Variants in UBE3A observed in about 807,000 individuals in gnomAD.
UBE3A encodes the protein ubiquitin protein ligase E3A.
Under a neutral mutation model 83.4 loss-of-function variants are expected in UBE3A, and 6 were observed. The ratio of observed to expected loss-of-function variants is 0.07; its 90% confidence interval spans 0.04 to 0.14. The LOEUF (loss-of-function observed/expected upper bound fraction) is 0.14. Among genes scored for constraint, UBE3A ranks in the 10% least tolerant of loss-of-function variants. UBE3A has a pLI of 1.00. For missense variants in UBE3A, 456 were observed against 1,036.1 expected, an observed-to-expected ratio of 0.44 and a Z score of 7.69; for synonymous variants, 337 against 355.4, an observed-to-expected ratio of 0.95 and a Z score of 0.58.
chr15:25,336,604 A>C lies in UBE3A; in HGVS notation c.*2533T>G, dbSNP rs190202767. On this transcript the variant is annotated 3_prime_UTR_variant, in exon 13 of 13. Transcript: ENST00000648336. ...TATACAAGCAAGCATCCCCAAAAGT[A>C]GTTGTCTCAGGAAACCAGGGTTAGG... The C allele has an allele frequency of 6.6e-6, 1 of 152,254 alleles. No individual in the cohort carries two copies. Among genetic ancestry groups the C allele is most frequent in the Admixed American group, 6.5e-5 (1 of 15,296 alleles). 9.4% of individuals were successfully genotyped at this position (152,254 alleles called of 1,614,324 possible).
intron 4 of UBE3A, among the ~76,000 whole-genome samples, chr15:25,395,821 A>G (rs1028519360): frequency 2.0e-5 from 3 of 152,308 alleles, no homozygotes; most frequent in Admixed American, 2.0e-4. Context: ...ACCATAAATC[A>G]CTTGTTGTAT....
At position 25,333,985 on chromosome 15, in the gene UBE3A, A is replaced by G. The variant is rs754149785; in HGVS notation, c.*5152T>C. The G allele has an allele frequency of 1.3e-5, 2 of 152,040 alleles. No individual in the cohort carries two copies. Among genetic ancestry groups the G allele is most frequent in the Non-Finnish European group, 2.9e-5 (2 of 68,002 alleles). 9.4% of individuals were successfully genotyped at this position (152,040 alleles called of 1,614,324 possible). On this transcript the variant is annotated 3_prime_UTR_variant, in exon 13 of 13. Transcript: ENST00000648336. ...TGAAGCAAACCCACAGCTAGCTAAC[A>G]TCATACTCAATGGTGAAAGACTGAA...
At chr15:25,405,040 T>C (rs2088139629) in intron 4 of UBE3A, among the ~76,000 whole-genome samples, 1 of 152,238 alleles carries the variant, frequency 6.6e-6, no homozygotes, top group South Asian at 2.1e-4. Context: ...ACTGAAATTA[T>C]TTGCTTCTGC....
intron 4 of UBE3A, among the ~76,000 whole-genome samples, chr15:25,400,677 T>C (rs931847700): frequency 6.6e-6 from 1 of 152,222 alleles, no homozygotes; most frequent in Non-Finnish European, 1.5e-5. Context: ...ACAACTTTAC[T>C]GAATTTATCA....
intron 4 of UBE3A, among the ~76,000 whole-genome samples, chr15:25,389,133 TAG>T (rs2083738095): frequency 1.3e-5 from 2 of 151,814 alleles, no homozygotes; most frequent in African/African-American, 4.8e-5. Flanking sequence ...CGAAACAGAA[TAG>T]AGAGCCCAGA....
At chr15:25,423,494 C>T (rs767068183) in intron 1 of UBE3A, among the ~76,000 whole-genome samples, 5 of 151,966 alleles carry the variant, frequency 3.3e-5, no homozygotes, top group Non-Finnish European at 7.4e-5. Flanking sequence ...TGAAAACAAC[C>T]GAATTTCCAA....
At chr15:25,398,132 C>T (rs2085992961) in intron 4 of UBE3A, among the ~76,000 whole-genome samples, 1 of 134,092 alleles carries the variant, frequency 7.5e-6, no homozygotes, top group Non-Finnish European at 1.5e-5. Flanking sequence ...CATGCTACTA[C>T]ACTCCAGCCT....
At chr15:25,388,256 AAAAG>A (rs1167580727) in intron 4 of UBE3A, among the ~76,000 whole-genome samples, 2 of 152,234 alleles carry the variant, frequency 1.3e-5, no homozygotes, top group Non-Finnish European at 2.9e-5. Flanking sequence ...ACAATGTATA[AAAAG>A]AAGTATACAC....
At chr15:25,340,872 T>G (rs1294551335) in intron 11 of UBE3A, among the ~76,000 whole-genome samples, 1 of 152,200 alleles carries the variant, frequency 6.6e-6, no homozygotes, top group Non-Finnish European at 1.5e-5. Flanking sequence ...TTCTGACATT[T>G]CTGCCACCTG....
chr15:25,379,376 C>T (rs186302455), intron 4 of UBE3A, among the ~76,000 whole-genome samples: 51 of 152,212 alleles, frequency 3.4e-4, no homozygotes, highest in African/African-American at 1.2e-3. Flanking sequence ...AACTCAGCTA[C>T]TAAACTTGAG....
rs750036329 is a variant in UBE3A, at chr15:25,371,634, T to C, written c.540A>G (p.Ala180=). Reference sequence around the variant, plus strand: ...CATCTTCATCTTTGTCTTCATCTTTTGCTTGAAGAGATTTCAGTTCTTCCT... The same window carrying C: ...CATCTTCATCTTTGTCTTCATCTTTCGCTTGAAGAGATTTCAGTTCTTCCT... ...HTKEELKSLQ[A]KDEDKDEDEK... The change falls in exon 6 of 13, where the codon GCA becomes GCG. Residue 180 remains alanine (A), a synonymous_variant. Coordinates refer to ENST00000648336, the MANE Select transcript of UBE3A (RefSeq NM_130839.5). This position sits in a 1 kb window ranked among gnomAD's most constrained non-coding sequence, Gnocchi z 5.3. 3 of 1,614,166 alleles carry C rather than the reference T, an allele frequency of 1.9e-6. No homozygotes were observed. Among genetic ancestry groups the C allele is most frequent in the Non-Finnish European group, 1.7e-6 (2 of 1,180,030 alleles).
intron 1 of UBE3A, 26 bp from the exon 2 acceptor site, chr15:25,411,997 T>C (rs1250633248): frequency 1.3e-5 from 2 of 152,224 alleles, no homozygotes; most frequent in Non-Finnish European, 2.9e-5. Flanking sequence ...CCTCACTCAA[T>C]TCTTTTTACA....
intron 4 of UBE3A, among the ~76,000 whole-genome samples, chr15:25,382,895 T>C (rs1314683596): frequency 6.6e-6 from 1 of 151,854 alleles, no homozygotes; most frequent in Non-Finnish European, 1.5e-5. Context: ...GAGCCACAAA[T>C]ACATACAACT....
intron 4 of UBE3A, among the ~76,000 whole-genome samples, chr15:25,399,846 G>A (rs964619035): frequency 6.6e-6 from 1 of 152,012 alleles, no homozygotes; most frequent in Non-Finnish European, 1.5e-5. Context: ...CCAGAGTGTG[G>A]GAATACACGT....
At chr15:25,344,774 G>C (rs1337121019) in intron 11 of UBE3A, among the ~76,000 whole-genome samples, 1 of 151,870 alleles carries the variant, frequency 6.6e-6, no homozygotes, top group Non-Finnish European at 1.5e-5. Context: ...CCAATGATGA[G>C]AAAAAAGAAT....
At chr15:25,406,626 G>A (rs1338304927) in intron 3 of UBE3A, among the ~76,000 whole-genome samples, 1 of 151,838 alleles carries the variant, frequency 6.6e-6, no homozygotes, top group African/African-American at 2.4e-5. Context: ...CCTGATTTGT[G>A]AACTTCTCAC....
chr15:25,399,541 G>A (rs1329405074), intron 4 of UBE3A, among the ~76,000 whole-genome samples: 2 of 151,946 alleles, frequency 1.3e-5, no homozygotes, highest in Non-Finnish European at 2.9e-5. Context: ...TCTCCATTCT[G>A]TTTTGTGGGT....
At position 25,434,969 on chromosome 15, in the gene UBE3A, T is replaced by TATACAC. The variant is rs1167502949; in HGVS notation, c.-165+3519_-165+3520insGTGTAT. Among the ~76,000 whole-genome samples, 276 of 142,996 alleles carry TATACAC rather than the reference T, an allele frequency of 1.9e-3. 6 individuals carry two copies. The highest frequency in any genetic ancestry group is 4.4e-3 in the African/African-American group (166 of 37,732). 93.8% of individuals were successfully genotyped at this position (142,996 alleles called of 152,430 possible). On this transcript the variant is annotated intron_variant, in intron 1 of 12. Transcript: ENST00000648336. ...GTAAAAATTTTAAATTCTATATACA[T>TATACAC]ACACACACACACACACACACACACA...
At chr15:25,349,266 T>C (rs1566865404) in intron 11 of UBE3A, among the ~76,000 whole-genome samples, 2 of 152,216 alleles carry the variant, frequency 1.3e-5, no homozygotes, top group Non-Finnish European at 1.5e-5. Flanking sequence ...CAAAATTTTA[T>C]TGGTGGTGGA....
Sources: gnomAD v4.1 joint callset for allele counts (sites outside exome capture counted in the v4.1 genomes callset) on GRCh38, gnomAD v4.1.1 for gene constraint, Gnocchi (gnomAD v3.1) non-coding constraint, MANE v1.5 for transcripts, NCBI Gene and HGNC (gene_info 2026-07-23, HGNC 2026-07-21) for gene names.